Variants in PHACTR4 observed in about 807,000 individuals in gnomAD.
The protein encoded by PHACTR4 is phosphatase and actin regulator 4.
In PHACTR4, 51 loss-of-function variants were observed where a neutral mutation model predicts 72.7. The ratio of observed to expected loss-of-function variants is 0.70; its 90% CI spans 0.56 to 0.89. The LOEUF (loss-of-function observed/expected upper bound fraction) is 0.89, where lower values mean the gene tolerates loss of function less well. PHACTR4 is among the 40% of genes least tolerant of loss of function. PHACTR4 has a pLI of 0.00. For missense variants in PHACTR4, 731 were observed against 861.8 expected, an observed-to-expected ratio of 0.85 and a Z score of 1.90; for synonymous variants, 255 against 302.5, an observed-to-expected ratio of 0.84 and a Z score of 1.63.
At position 28,491,786 on chromosome 1, in the gene PHACTR4, A is replaced by G. The variant is rs1343067061; in HGVS notation, c.2015A>G (p.Lys672Arg). ...KPWTKLTPAD[K>R]AAIRKELNEF... ...TGGACCAAACTGACCCCTGCTGACAAGGTACCTGGAAAGCACTCTCTTGCT... is the reference window on the plus strand; with the variant it reads ...TGGACCAAACTGACCCCTGCTGACAGGGTACCTGGAAAGCACTCTCTTGCT... The change falls in exon 12 of 14, where the codon AAG becomes AGG. Residue 672 changes from lysine (K) to arginine (R), a missense_variant and splice_region_variant. By Grantham distance (26) the Lys-to-Arg change is conservative. Coordinates refer to ENST00000373839, the MANE Select transcript of PHACTR4 (RefSeq NM_001048183.3). The G allele has an allele frequency of 6.2e-7, 1 of 1,612,546 alleles. No homozygotes were observed.
intron 9 of PHACTR4, among the ~76,000 whole-genome samples, chr1:28,485,621 C>T (rs926269159): frequency 1.4e-5 from 2 of 145,994 alleles, no homozygotes; most frequent in African/African-American, 5.1e-5. Context: ...ACTGTATTGG[C>T]CAGGTGTGGT....
chr1:28,378,580 C>CTT (rs1553181674), intron 1 of PHACTR4, among the ~76,000 whole-genome samples: 5 of 63,540 alleles, frequency 7.9e-5, no homozygotes, highest in African/African-American at 2.4e-4. Flanking sequence ...CCCCCCCCCC[C>CTT]TTTTTTTTTA....
chr1:28,452,146 G>A (rs1161511531), intron 2 of PHACTR4, among the ~76,000 whole-genome samples: 1 of 152,000 alleles, frequency 6.6e-6, no homozygotes, highest in African/African-American at 2.4e-5. Flanking sequence ...GGGTTCTTAT[G>A]TGTGGATGTT....
chr1:28,453,907 C>G (rs1175740967), intron 2 of PHACTR4: 5 of 805,510 alleles, frequency 6.2e-6, no homozygotes, highest in Middle Eastern at 8.1e-4. Flanking sequence ...GGATGTAATT[C>G]AGGCAGGAAA....
At chr1:28,483,146 G>A (rs1660387165) in intron 9 of PHACTR4, among the ~76,000 whole-genome samples, 1 of 151,824 alleles carries the variant, frequency 6.6e-6, no homozygotes, top group Non-Finnish European at 1.5e-5. Flanking sequence ...GCTCACTCCT[G>A]TAATCCCAGC....
At chr1:28,486,849 ACT>A (rs1346189907) in intron 9 of PHACTR4, among the ~76,000 whole-genome samples, 3 of 150,022 alleles carry the variant, frequency 2.0e-5, no homozygotes, top group Middle Eastern at 3.2e-3. Context: ...ACAGAGTGAG[ACT>A]CTGTCTCAAA....
intron 2 of PHACTR4, among the ~76,000 whole-genome samples, chr1:28,458,406 C>T (rs1401967867): frequency 2.6e-5 from 4 of 152,030 alleles, no homozygotes; most frequent in East Asian, 3.9e-4. Context: ...CCTCAGCCTC[C>T]CACAGTGCTG....
intron 9 of PHACTR4, among the ~76,000 whole-genome samples, chr1:28,483,978 G>A (rs544944903): frequency 6.6e-6 from 1 of 151,976 alleles, no homozygotes; most frequent in East Asian, 1.9e-4. Context: ...ATTGCTTGAG[G>A]CCAGGAGTTT....
At chr1:28,420,870 A>G (rs1004976374) in intron 2 of PHACTR4, among the ~76,000 whole-genome samples, 1 of 152,224 alleles carries the variant, frequency 6.6e-6, no homozygotes, top group African/African-American at 2.4e-5. Flanking sequence ...CAACATTAAT[A>G]GTTGAAGAGA....
At chr1:28,384,652 T>C (rs1257372718) in intron 1 of PHACTR4, among the ~76,000 whole-genome samples, 1 of 152,174 alleles carries the variant, frequency 6.6e-6, no homozygotes, top group African/African-American at 2.4e-5. Context: ...CCCAGCACTT[T>C]GGGAGGCCAA....
intron 1 of PHACTR4, among the ~76,000 whole-genome samples, chr1:28,405,668 A>G (rs1654269157): frequency 6.6e-6 from 1 of 151,804 alleles, no homozygotes; most frequent in Non-Finnish European, 1.5e-5. Flanking sequence ...TGACCAGGGA[A>G]TGACCACCAG....
intron 1 of PHACTR4, among the ~76,000 whole-genome samples, chr1:28,378,512 G>C (rs12072239): frequency 6.8e-6 from 1 of 147,964 alleles, no homozygotes; most frequent in Non-Finnish European, 1.5e-5. Context: ...CAAAAAAAAA[G>C]AAAAAAGTTT....
chr1:28,440,457 T>A (rs1244417742), intron 2 of PHACTR4, among the ~76,000 whole-genome samples: 2 of 123,754 alleles, frequency 1.6e-5, no homozygotes, highest in Admixed American at 8.6e-5. Flanking sequence ...GTGCAGTGGC[T>A]TGATCTCGGC....
Position 28,476,104 on chromosome 1 carries a change from T to C in PHACTR4, c.1422-3T>C. 6.3e-7 allele frequency: 1 copy of C among 1,590,750 alleles called. No individual in the cohort carries two copies. Among genetic ancestry groups the C allele is most frequent in the Non-Finnish European group, 8.5e-7 (1 of 1,173,864 alleles). ...GGAAAATATAATTATGTTAATTTGTTAGTCCAGACGATGAAGAAGAAGAGG... is the reference window on the plus strand; with the variant it reads ...GGAAAATATAATTATGTTAATTTGTCAGTCCAGACGATGAAGAAGAAGAGG... On this transcript the variant is annotated splice_polypyrimidine_tract_variant and splice_region_variant and intron_variant, in intron 7 of 13. Coordinates refer to ENST00000373839, the MANE Select transcript of PHACTR4 (RefSeq NM_001048183.3).
intron 2 of PHACTR4, among the ~76,000 whole-genome samples, chr1:28,452,941 A>G (rs1049116092): frequency 6.6e-6 from 1 of 152,218 alleles, no homozygotes; most frequent in African/African-American, 2.4e-5. Flanking sequence ...CAACATGGCG[A>G]AACCCTATCT....
At chr1:28,445,539 C>T (rs1053332357) in intron 2 of PHACTR4, among the ~76,000 whole-genome samples, 11 of 151,402 alleles carry the variant, frequency 7.3e-5, no homozygotes, top group African/African-American at 2.7e-4. Context: ...ATTAACTTTT[C>T]CCCCCACTTT....
rs1476544280 is a variant in PHACTR4, at chr1:28,480,576, C to T, written c.1732C>T (p.Arg578Trp). ...AAGCAAGGAGGAGTGGAATGAAATA[C>T]GGCACCAGATTGGAAACACACTGAT... ...CKSKEEWNEIRHQIGNTLIRR... is the reference protein window; with the variant it reads ...CKSKEEWNEIWHQIGNTLIRR... The change falls in exon 9 of 14, where the codon CGG (arginine) becomes TGG (tryptophan). Residue 578 changes from arginine (R) to tryptophan (W), a missense_variant. By Grantham distance (101) the Arg-to-Trp change is moderately radical. This residue lies in a region of PHACTR4 where 110 missense variants were observed against 185.2 expected (regional missense o/e 0.59). Transcript: ENST00000373839. The T allele has an allele frequency of 3.7e-6, 6 of 1,613,998 alleles. No homozygotes were observed. The highest frequency in any genetic ancestry group is 5.1e-6 in the Non-Finnish European group (6 of 1,180,020).
At chr1:28,451,742 C>G (rs1469131398) in intron 2 of PHACTR4, among the ~76,000 whole-genome samples, 5 of 152,086 alleles carry the variant, frequency 3.3e-5, no homozygotes, top group Non-Finnish European at 5.9e-5. Flanking sequence ...CTCCTCAGAT[C>G]AAAGGATCCT....
At chr1:28,386,545 T>G (rs1652572255) in intron 1 of PHACTR4, among the ~76,000 whole-genome samples, 1 of 152,204 alleles carries the variant, frequency 6.6e-6, no homozygotes, top group Non-Finnish European at 1.5e-5. Flanking sequence ...TATTATTTTG[T>G]GGGAAACTAA....
Sources: allele counts gnomAD v4.1 joint callset (sites outside exome capture counted in the v4.1 genomes callset), GRCh38; gene constraint gnomAD v4.1.1; regional missense constraint gnomAD v4.1.1; transcripts MANE v1.5; gene names NCBI Gene and HGNC (gene_info 2026-07-23, HGNC 2026-07-21).